Variants in ZNF654 observed in about 807,000 individuals in gnomAD.
ZNF654 encodes the protein zinc finger protein 654, also known as melanoma-associated antigen.
Under a neutral mutation model 95.3 loss-of-function variants are expected in ZNF654, and 19 were observed. The observed-to-expected ratio is 0.20, with a 90% confidence interval of 0.14 to 0.29. The LOEUF is 0.29. Ranked by LOEUF, ZNF654 falls within the 10% of genes least tolerant of loss-of-function variation. The pLI is 1.00. For synonymous variants in ZNF654, 413 were observed against 457.9 expected (o/e 0.90, Z 1.25); for missense variants, 1,046 against 1,341.0 (o/e 0.78, Z 3.44).
At position 88,083,575 on chromosome 3, in the gene ZNF654, T is replaced by A. The variant is rs368213712; in HGVS notation, c.187-2682T>A. 5.9e-5 allele frequency among the ~76,000 whole-genome samples: 9 copies of A among 152,322 alleles called. No individual in the cohort carries two copies. The East Asian group carries it at 1.7e-3, about 29-fold the overall frequency. ...GTGTTCCTATAATTTCTGTAAATATTCACTACAGTAATGTTTGTTATGCTC... is the reference window on the plus strand; with the variant it reads ...GTGTTCCTATAATTTCTGTAAATATACACTACAGTAATGTTTGTTATGCTC... On this transcript the variant is annotated intron_variant, in intron 1 of 8. Coordinates refer to ENST00000636215, the MANE Select transcript of ZNF654 (RefSeq NM_001350134.2).
At chr3:88,086,216 G>A in intron 1 of ZNF654, 41 bp from the exon 2 acceptor site, 1 of 1,491,884 alleles carries the variant, frequency 6.7e-7, no homozygotes, top group Middle Eastern at 2.4e-4. Flanking sequence ...GAGATGTTGA[G>A]AACTTTTTCT....
At chr3:88,100,752 T>A (rs971172537) in intron 2 of ZNF654, among the ~76,000 whole-genome samples, 1 of 151,976 alleles carries the variant, frequency 6.6e-6, no homozygotes, top group Non-Finnish European at 1.5e-5. Flanking sequence ...TAGGTGGGAA[T>A]TGAACAATGA....
At chr3:88,116,031 G>A (rs1705368179) in intron 3 of ZNF654, among the ~76,000 whole-genome samples, 1 of 152,074 alleles carries the variant, frequency 6.6e-6, no homozygotes, top group Admixed American at 6.5e-5. Flanking sequence ...GAGAGAAAGA[G>A]AGAACTTCCA....
intron 3 of ZNF654, among the ~76,000 whole-genome samples, chr3:88,124,821 C>T (rs532050570): frequency 8.1e-4 from 123 of 151,120 alleles, no homozygotes; most frequent in African/African-American, 2.8e-3. Context: ...TTTTTCTTAA[C>T]GCTTTAAGCT....
At chr3:88,084,651 T>G (rs1708246691) in intron 1 of ZNF654, among the ~76,000 whole-genome samples, 1 of 152,208 alleles carries the variant, frequency 6.6e-6, no homozygotes, top group Admixed American at 6.5e-5. Flanking sequence ...TTTGGAATTG[T>G]CAAGAACTGT....
intron 1 of ZNF654, among the ~76,000 whole-genome samples, chr3:88,071,117 A>G (rs921666018): frequency 6.6e-6 from 1 of 152,138 alleles, no homozygotes; most frequent in African/African-American, 2.4e-5. Flanking sequence ...TAGATATTCA[A>G]TTTTTGCTTT....
chr3:88,120,497 T>C (rs1472460262), intron 3 of ZNF654, among the ~76,000 whole-genome samples: 1 of 152,076 alleles, frequency 6.6e-6, no homozygotes, highest in Non-Finnish European at 1.5e-5. Flanking sequence ...AGAATGGTAA[T>C]TGTAGAAATG....
chr3:88,087,012 G>A (rs568256104), intron 2 of ZNF654, among the ~76,000 whole-genome samples: 1 of 152,224 alleles, frequency 6.6e-6, no homozygotes, highest in Non-Finnish European at 1.5e-5. Context: ...TTGATCTCCT[G>A]ACCTCGTGAT....
intron 2 of ZNF654, among the ~76,000 whole-genome samples, chr3:88,092,944 A>T (rs1415332321): frequency 6.6e-6 from 1 of 152,150 alleles, no homozygotes; most frequent in African/African-American, 2.4e-5. Flanking sequence ...TTCTGCTTTT[A>T]TTTATACTTG....
rs1019230173 is a variant in ZNF654, at chr3:88,089,028, C to T, written c.332+2626C>T. 4.4e-4 allele frequency among the ~76,000 whole-genome samples: 67 copies of T among 151,766 alleles called. 1 individual carries two copies. The highest frequency in any genetic ancestry group is 1.8e-4 in the Non-Finnish European group (12 of 67,960). On this transcript the variant is annotated intron_variant, in intron 2 of 8. Coordinates refer to ENST00000636215, the MANE Select transcript of ZNF654 (RefSeq NM_001350134.2). ...CCTCAGATGATCTACCCACCTCAGG[C>T]TCCCAAAGTGCTGGGATTACAGGCA... is the stretch of plus-strand genomic sequence containing the variant.
At chr3:88,087,384 G>T (rs943549303) in intron 2 of ZNF654, among the ~76,000 whole-genome samples, 2 of 152,024 alleles carry the variant, frequency 1.3e-5, no homozygotes, top group African/African-American at 2.4e-5. Context: ...TGAAAATCCT[G>T]GTTTTTAAAA....
At chr3:88,090,771 A>G (rs1337508415) in intron 2 of ZNF654, among the ~76,000 whole-genome samples, 1 of 152,188 alleles carries the variant, frequency 6.6e-6, no homozygotes, top group Non-Finnish European at 1.5e-5. Context: ...GGGGTGTCCA[A>G]TCTTATGGCT....
rs1477759865 is a variant in ZNF654 at position 88,059,272 on chromosome 3, C to T, written c.-48C>T. 2.0e-6 allele frequency: 3 copies of T among 1,531,480 alleles called. No homozygotes were observed. The highest frequency in any genetic ancestry group is 1.2e-5 in the South Asian group (1 of 83,758). 94.9% of individuals were successfully genotyped at this position (1,531,480 alleles called of 1,614,324 possible). On this transcript the variant is annotated 5_prime_UTR_variant, in exon 1 of 9. Transcript: ENST00000636215. The stretch of plus-strand genomic sequence containing the variant: ...AGGAGGTTAGCCTAGGCATCTACGG[C>T]GGCGGCGGCGGCGCAGGGGCTGGTA...
At chr3:88,075,460 A>G (rs1389363333) in intron 1 of ZNF654, among the ~76,000 whole-genome samples, 1 of 152,198 alleles carries the variant, frequency 6.6e-6, no homozygotes, top group Non-Finnish European at 1.5e-5. Flanking sequence ...TTGGATAATA[A>G]CCATGGAACA....
At chr3:88,094,205 T>C (rs1311962559) in intron 2 of ZNF654, among the ~76,000 whole-genome samples, 1 of 152,142 alleles carries the variant, frequency 6.6e-6, no homozygotes, top group Non-Finnish European at 1.5e-5. Flanking sequence ...ATTTTGTTTA[T>C]AGGATTTGTT....
intron 1 of ZNF654, among the ~76,000 whole-genome samples, chr3:88,073,220 A>G (rs2107620471): frequency 6.6e-6 from 1 of 152,318 alleles, no homozygotes; most frequent in Middle Eastern, 3.4e-3. Flanking sequence ...CTGTGGGACT[A>G]GGGTCCAGCA....
chr3:88,066,576 AAAC>A (rs942129386), intron 1 of ZNF654, among the ~76,000 whole-genome samples: 5 of 151,822 alleles, frequency 3.3e-5, no homozygotes, highest in African/African-American at 1.2e-4. Context: ...ACAAACAAAC[AAAC>A]AAAAAAAACA....
intron 2 of ZNF654, among the ~76,000 whole-genome samples, chr3:88,108,727 A>G (rs901929261): frequency 3.9e-5 from 6 of 152,160 alleles, no homozygotes; most frequent in African/African-American, 1.4e-4. Context: ...TATTTTACTT[A>G]ATAATGGCCC....
At position 88,143,109 on chromosome 3, in the gene ZNF654, C is replaced by G. The variant is rs1287012024; in HGVS notation, c.*1457C>G. The G allele has an allele frequency of 6.6e-6, 1 of 152,230 alleles. No individual in the cohort carries two copies. The highest frequency in any genetic ancestry group is 1.5e-5 in the Non-Finnish European group (1 of 67,774). The allele number at this position is 152,230 out of a possible 1,614,324, so 9.4% of individuals were successfully genotyped here. ...AAAATCTTTGTTCAAGGCAGATAAT[C>G]TCATCAGACCCTATTAGAGCTTCTT... On this transcript the variant is annotated 3_prime_UTR_variant, in exon 9 of 9. Coordinates refer to ENST00000636215, the MANE Select transcript of ZNF654 (RefSeq NM_001350134.2).
Sources: allele counts gnomAD v4.1 joint callset (sites outside exome capture counted in the v4.1 genomes callset), GRCh38; gene constraint gnomAD v4.1.1; transcripts MANE v1.5; gene names NCBI Gene and HGNC (gene_info 2026-07-23, HGNC 2026-07-21).